PLEKHA8: variants seen among roughly 807,000 people sequenced by gnomAD.
PLEKHA8 encodes pleckstrin homology domain containing A8.
In PLEKHA8, 36 loss-of-function variants were observed where a neutral mutation model predicts 68.2. That is an observed-to-expected ratio of 0.53 (90% CI 0.40 to 0.70). The LOEUF is 0.70. PLEKHA8 is among the 30% of genes least tolerant of loss of function. The pLI, the probability that PLEKHA8 is intolerant of heterozygous loss-of-function variation, is 0.00. For missense variants in PLEKHA8, 505 were observed against 615.4 expected, an observed-to-expected ratio of 0.82 and a Z score of 1.90; for synonymous variants, 211 against 216.1, an observed-to-expected ratio of 0.98 and a Z score of 0.20.
intron 12 of PLEKHA8, among the ~76,000 whole-genome samples, chr7:30,068,183 G>A (rs536927171): frequency 6.6e-6 from 1 of 152,308 alleles, no homozygotes; most frequent in African/African-American, 2.4e-5. Context: ...CTGACTTGAG[G>A]CTGAGACTTT....
downstream of PLEKHA8, among the ~76,000 whole-genome samples, chr7:30,088,052 G>A (rs149648986): frequency 2.8e-4 from 43 of 152,284 alleles, no homozygotes; most frequent in East Asian, 7.7e-3. Flanking sequence ...GGAGTTGGGC[G>A]TCACCACCAA....
chr7:30,105,256 A>C (rs1796014649), intron 13 of PLEKHA8, among the ~76,000 whole-genome samples: 1 of 148,716 alleles, frequency 6.7e-6, no homozygotes, highest in Non-Finnish European at 1.5e-5. Context: ...TCATCCCTTC[A>C]ACCCAGTAGT....
At chr7:30,036,413 TAGATAGATAGA>T (rs1349778662) in intron 1 of PLEKHA8, among the ~76,000 whole-genome samples, 1 of 49,738 alleles carries the variant, frequency 2.0e-5, no homozygotes, top group East Asian at 6.8e-4. Flanking sequence ...ATAGAATAGA[TAGATAGATAGA>T]TAGATAGATA....
chr7:30,030,203 C>T (rs1167766022), intron 1 of PLEKHA8, among the ~76,000 whole-genome samples: 2 of 152,214 alleles, frequency 1.3e-5, no homozygotes, highest in Non-Finnish European at 2.9e-5. Context: ...CCTGATCCTT[C>T]ACTCCTTTCC....
rs769201328 is a variant in PLEKHA8 at position 30,049,252 on chromosome 7, A to G, written c.467A>G (p.Lys156Arg). 2.5e-6 allele frequency: 4 copies of G among 1,613,964 alleles called. No individual in the cohort carries two copies. The highest frequency in any genetic ancestry group is 1.3e-5 in the African/African-American group (1 of 75,044). Residue 156 changes from lysine to arginine, a missense_variant, in exon 5 of 14, where the codon AAA becomes AGA. Physicochemically the swap from Lys to Arg is conservative, Grantham distance 26. Transcript: ENST00000449726. ...EEGIDVGTLLKSTCNTFLKTL... is the reference protein window; with the variant it reads ...EEGIDVGTLLRSTCNTFLKTL... The stretch of plus-strand genomic sequence containing the variant: ...GGAATTGATGTGGGAACTTTGCTGA[A>G]ATCAACCTGTAATACTTTTCTGAAG...
In PLEKHA8 at chr7:30,046,376, A is replaced by G. The variant is rs1479309627; in HGVS notation, c.313+11A>G. 1.3e-6 allele frequency: 2 copies of G among 1,582,610 alleles called. No homozygotes were observed. Among genetic ancestry groups the G allele is most frequent in the African/African-American group, 2.7e-5 (2 of 73,946 alleles). ...CCCAGAAGGAGAAAGGCAAGTACTG[A>G]TTGTCCTTTGCTGTGGAAACCTTGG... is the stretch of plus-strand genomic sequence containing the variant. On this transcript the variant is annotated intron_variant, in intron 3 of 13. Coordinates refer to ENST00000449726, the MANE Select transcript of PLEKHA8 (RefSeq NM_001197026.2).
At chr7:30,074,246 T>TTGCGTGTG in intron 13 of PLEKHA8, 114 bp downstream of exon 13, 1 of 487,886 alleles carries the variant, frequency 2.0e-6, no homozygotes, top group Non-Finnish European at 3.6e-6. Flanking sequence ...AGAAACAAAG[T>TTGCGTGTG]TGTGTGTGTG....
chr7:30,080,119 G>A lies in PLEKHA8; in HGVS notation c.*1332G>A, dbSNP rs1333733654. On this transcript the variant is annotated 3_prime_UTR_variant, in exon 14 of 14. Transcript: ENST00000449726. ...AGTGCAGAGCAGGCAAAATGCAGCT[G>A]TTTATCAATCTCAAAAGCTTTGGGA... The A allele has an allele frequency of 1.0e-6, 1 of 985,184 alleles. No individual in the cohort carries two copies. The highest frequency in any genetic ancestry group is 1.7e-5 in the African/African-American group (1 of 57,198). 61.0% of individuals were successfully genotyped at this position (985,184 alleles called of 1,614,324 possible). A position where few individuals can be genotyped will look rare whatever the true frequency, so the allele number is the denominator to read the frequency against.
chr7:30,115,644 A>G (rs1001069059), intron 13 of PLEKHA8, among the ~76,000 whole-genome samples: 2 of 151,838 alleles, frequency 1.3e-5, no homozygotes, highest in African/African-American at 4.8e-5. Context: ...ATACATGCAC[A>G]CATGTACACA....
intron 13 of PLEKHA8, among the ~76,000 whole-genome samples, chr7:30,125,419 T>G (rs1039036389): frequency 1.3e-5 from 2 of 152,228 alleles, no homozygotes; most frequent in Non-Finnish European, 2.9e-5. Flanking sequence ...GGATTTAACC[T>G]CATTGGAAGC....
intron 13 of PLEKHA8, among the ~76,000 whole-genome samples, chr7:30,126,080 C>T (rs1796767201): frequency 6.6e-6 from 1 of 151,836 alleles, no homozygotes; most frequent in Non-Finnish European, 1.5e-5. Flanking sequence ...CTGTCATCTA[C>T]AGATTTTTTT....
chr7:30,067,287 T>C (rs2127991677), intron 12 of PLEKHA8, among the ~76,000 whole-genome samples: 1 of 152,316 alleles, frequency 6.6e-6, no homozygotes, highest in Non-Finnish European at 1.5e-5. Context: ...CTGGGCAACA[T>C]GGCGAAGCCC....
downstream of PLEKHA8, among the ~76,000 whole-genome samples, chr7:30,089,210 G>T (rs971614206): frequency 6.6e-6 from 1 of 152,102 alleles, no homozygotes; most frequent in Admixed American, 6.5e-5. Flanking sequence ...TATTTGGCTG[G>T]TACACACTAA....
At chr7:30,045,222 C>T (rs748860984) in intron 2 of PLEKHA8, 21 bp downstream of exon 2, 41 of 1,541,140 alleles carry the variant, frequency 2.7e-5, no homozygotes, top group South Asian at 1.3e-4. Context: ...AAGCAACTTG[C>T]AAGTTTTATT....
downstream of PLEKHA8, among the ~76,000 whole-genome samples, chr7:30,088,820 C>T (rs1317898799): frequency 6.8e-6 from 1 of 147,998 alleles, no homozygotes; most frequent in Non-Finnish European, 1.5e-5. Context: ...GCAGAACACT[C>T]ATTGAAATTT....
At chr7:30,048,702 TAGA>T (rs1052599653) in intron 4 of PLEKHA8, among the ~76,000 whole-genome samples, 4 of 152,208 alleles carry the variant, frequency 2.6e-5, no homozygotes, top group African/African-American at 7.2e-5. Flanking sequence ...TATTAGGTAG[TAGA>T]AGAACACTAT....
chr7:30,112,662 C>T (rs572560905), intron 13 of PLEKHA8, among the ~76,000 whole-genome samples: 19 of 151,254 alleles, frequency 1.3e-4, no homozygotes, highest in Admixed American at 7.3e-4. Flanking sequence ...TTGCAGTGAG[C>T]GATGATTGTG....
intron 13 of PLEKHA8, chr7:30,117,898 T>A (rs1371277523): frequency 2.9e-6 from 3 of 1,036,216 alleles, no homozygotes; most frequent in Non-Finnish European, 4.2e-6. Context: ...AGATTAAAGA[T>A]TGCCAAGACT....
intron 5 of PLEKHA8, among the ~76,000 whole-genome samples, chr7:30,049,826 T>C (rs1453899888): frequency 6.6e-6 from 1 of 152,242 alleles, no homozygotes; most frequent in Non-Finnish European, 1.5e-5. Context: ...TTCACCTAGC[T>C]TGAACATATT....
Sources: allele counts gnomAD v4.1 joint callset (sites outside exome capture counted in the v4.1 genomes callset), GRCh38; gene constraint gnomAD v4.1.1; transcripts MANE v1.5; gene names NCBI Gene and HGNC (gene_info 2026-07-23, HGNC 2026-07-21).